The following RBFOX1 variants were observed in gnomAD, a reference collection of about 807,000 sequenced individuals.
The protein encoded by RBFOX1 is RNA binding fox-1 homolog 1, also known as RNA binding protein fox-1 homolog 1.
A neutral mutation model predicts 57.7 loss-of-function variants in RBFOX1; 8 were observed. The ratio of observed to expected loss-of-function variants is 0.14; its 90% CI spans 0.08 to 0.25. RBFOX1 has a LOEUF of 0.25. Among genes scored for constraint, RBFOX1 ranks in the 10% least tolerant of loss-of-function variants. The pLI is 1.00. For missense variants in RBFOX1, 611 were observed against 548.5 expected (o/e 1.11, Z -1.14); for synonymous variants, 326 against 222.4 (o/e 1.47, Z -4.15).
At chr16:5,911,315 C>T (rs1474711121) in intron 4 of RBFOX1, among the ~76,000 whole-genome samples, 2 of 152,182 alleles carry the variant, frequency 1.3e-5, no homozygotes, top group East Asian at 1.9e-4. Context: ...TGGGAATTTT[C>T]ACTGGATACT....
intron 3 of RBFOX1, among the ~76,000 whole-genome samples, chr16:5,618,629 G>A (rs1241311441): frequency 5.3e-5 from 8 of 152,282 alleles, no homozygotes; most frequent in Non-Finnish European, 8.8e-5. Flanking sequence ...GAGCCATCGC[G>A]CCCAGCTGGC....
intron 4 of RBFOX1, among the ~76,000 whole-genome samples, chr16:6,004,325 A>G (rs563763537): frequency 1.3e-5 from 2 of 152,292 alleles, no homozygotes; most frequent in African/African-American, 4.8e-5. Flanking sequence ...TCTAAGCCTC[A>G]GTTTTCTTAT....
At chr16:6,225,732 A>G (rs2097411993) in intron 1 of RBFOX1, among the ~76,000 whole-genome samples, 1 of 152,200 alleles carries the variant, frequency 6.6e-6, no homozygotes, top group South Asian at 2.1e-4. Flanking sequence ...TTTTCAAGTA[A>G]TGTGGGGAAT....
At chr16:6,537,855 A>G (rs1236616411) in intron 2 of RBFOX1, among the ~76,000 whole-genome samples, 3 of 152,054 alleles carry the variant, frequency 2.0e-5, no homozygotes, top group Admixed American at 1.3e-4. Flanking sequence ...ATATAGAAAA[A>G]TATATTTAAA....
chr16:6,397,587 T>A (rs1016333603), intron 2 of RBFOX1, among the ~76,000 whole-genome samples: 4 of 152,174 alleles, frequency 2.6e-5, no homozygotes, highest in Admixed American at 6.5e-5. Context: ...TAGGTGAGAC[T>A]TAAAGAGATG....
At chr16:5,809,052 G>A (rs2055330291) in intron 3 of RBFOX1, among the ~76,000 whole-genome samples, 1 of 152,156 alleles carries the variant, frequency 6.6e-6, no homozygotes, top group African/African-American at 2.4e-5. Flanking sequence ...TGACAAACCT[G>A]AGAAAAACAA....
intron 4 of RBFOX1, among the ~76,000 whole-genome samples, chr16:7,314,282 A>T (rs2096388359): frequency 6.6e-6 from 1 of 152,012 alleles, no homozygotes; most frequent in African/African-American, 2.4e-5. Context: ...TGATTTATAC[A>T]CCCCGCACCA....
intron 4 of RBFOX1, among the ~76,000 whole-genome samples, chr16:5,936,411 A>G (rs1210231377): frequency 1.3e-5 from 2 of 152,204 alleles, no homozygotes; most frequent in Admixed American, 1.3e-4. Flanking sequence ...AGTATGAGCC[A>G]CTGCACCTGG....
intron 3 of RBFOX1, among the ~76,000 whole-genome samples, chr16:6,949,113 C>A (rs1488886538): frequency 1.3e-5 from 2 of 152,150 alleles, no homozygotes; most frequent in Non-Finnish European, 2.9e-5. Context: ...TAATTATTGA[C>A]TTTTTTTAAA....
chr16:6,904,780 A>C (rs1458777239), intron 3 of RBFOX1, among the ~76,000 whole-genome samples: 1 of 151,992 alleles, frequency 6.6e-6, no homozygotes, highest in Non-Finnish European at 1.5e-5. Flanking sequence ...TGCCCGGGCT[A>C]CTTGTGTTAC....
At chr16:6,638,946 C>G (rs908357150) in intron 2 of RBFOX1, among the ~76,000 whole-genome samples, 1 of 152,146 alleles carries the variant, frequency 6.6e-6, no homozygotes, top group Non-Finnish European at 1.5e-5. Flanking sequence ...GTCACAGGGA[C>G]AGAAAATATT....
rs144082971 is a variant in RBFOX1, at chr16:7,327,745, C to G, written c.28-190402C>G. On this transcript the variant is annotated intron_variant, in intron 4 of 15. Transcript: ENST00000550418. ...GAAATGTGGCTCAACATGCCTAGATCTTCCAGTGTTTCAAGAGATAGCATA... is the reference window on the plus strand; with the variant it reads ...GAAATGTGGCTCAACATGCCTAGATGTTCCAGTGTTTCAAGAGATAGCATA... Among the ~76,000 whole-genome samples the G allele has an allele frequency of 2.6e-4, 39 of 152,206 alleles. No individual in the cohort carries two copies. The East Asian group carries it at 7.4e-3, about 29-fold the overall frequency.
intron 1 of RBFOX1, among the ~76,000 whole-genome samples, chr16:6,151,234 C>T (rs1173071713): frequency 6.6e-6 from 1 of 152,134 alleles, no homozygotes; most frequent in Non-Finnish European, 1.5e-5. Flanking sequence ...TTAAGGAACC[C>T]CGCGACACCA....
At chr16:7,315,388 T>G (rs896258733) in intron 4 of RBFOX1, among the ~76,000 whole-genome samples, 1 of 151,770 alleles carries the variant, frequency 6.6e-6, no homozygotes, top group Non-Finnish European at 1.5e-5. Context: ...GTCATTTTAG[T>G]AGAATTCTGA....
At position 5,922,268 on chromosome 16, in the gene RBFOX1, A is replaced by G. The variant is rs539816674; in HGVS notation, c.351+54933A>G. Among the ~76,000 whole-genome samples, 7 of 152,312 alleles carry G rather than the reference A, an allele frequency of 4.6e-5. No individual in the cohort carries two copies. The South Asian group carries it at 6.2e-4, about 14-fold the overall frequency. On this transcript the variant is annotated intron_variant, in intron 4 of 19. Transcript: ENST00000641259. ...ATCCATTCATGAGGGATCCATCCCC[A>G]TGATTCAACACCTGCCATCTCCAAC...
At chr16:7,016,796 C>A (rs879873929) in intron 3 of RBFOX1, among the ~76,000 whole-genome samples, 1 of 152,074 alleles carries the variant, frequency 6.6e-6, no homozygotes, top group African/African-American at 2.4e-5. Flanking sequence ...GGTGACAGGA[C>A]GTGGTTACCC....
intron 2 of RBFOX1, among the ~76,000 whole-genome samples, chr16:5,476,544 A>T (rs924020103): frequency 1.4e-4 from 21 of 152,262 alleles, no homozygotes; most frequent in Admixed American, 1.2e-3. Flanking sequence ...TTTGAAGCTC[A>T]GCCCTGGCAC....
At chr16:6,886,943 T>G (rs1370985149) in intron 3 of RBFOX1, among the ~76,000 whole-genome samples, 1 of 151,782 alleles carries the variant, frequency 6.6e-6, no homozygotes, top group Non-Finnish European at 1.5e-5. Flanking sequence ...ACCGTGTCTT[T>G]GTAATCAATT....
intron 2 of RBFOX1, among the ~76,000 whole-genome samples, chr16:5,506,771 C>T (rs2043394268): frequency 6.6e-6 from 1 of 152,106 alleles, no homozygotes; most frequent in Non-Finnish European, 1.5e-5. Flanking sequence ...AAAGTTTTAC[C>T]AGTCTGCTCT....
Sources: gnomAD v4.1 joint callset for allele counts (sites outside exome capture counted in the v4.1 genomes callset) on GRCh38, gnomAD v4.1.1 for gene constraint, MANE v1.5 for transcripts, NCBI Gene and HGNC (gene_info 2026-07-23, HGNC 2026-07-21) for gene names.